Variants in SMARCA2 observed in about 807,000 individuals in gnomAD.
The protein encoded by SMARCA2 is SWI/SNF related BAF chromatin remodeling complex subunit ATPase 2.
A neutral mutation model predicts 199.8 loss-of-function variants in SMARCA2; 61 were observed. The ratio of observed to expected loss-of-function variants is 0.31; its 90% CI spans 0.25 to 0.38. The LOEUF (loss-of-function observed/expected upper bound fraction) is 0.38, where lower values mean the gene tolerates loss of function less well. Among genes scored for constraint, SMARCA2 ranks in the 10% least tolerant of loss-of-function variants. The pLI is 1.00. For synonymous variants in SMARCA2, 935 were observed against 732.0 expected, an observed-to-expected ratio of 1.28 and a Z score of -4.48; for missense variants, 1,344 against 2,012.2, an observed-to-expected ratio of 0.67 and a Z score of 6.35.
intron 27 of SMARCA2, chr9:2,160,043 C>T: frequency 1.7e-6 from 2 of 1,158,418 alleles, no homozygotes; most frequent in Non-Finnish European, 2.4e-6. Context: ...GAGAGCAATA[C>T]CATTAACTGT....
At position 2,154,305 on chromosome 9, in the gene SMARCA2, A is replaced by G. The variant is rs370600995; in HGVS notation, c.3982-7381A>G. On this transcript the variant is annotated intron_variant, in intron 27 of 33. Coordinates refer to ENST00000349721, the MANE Select transcript of SMARCA2 (RefSeq NM_003070.5). ...TGGTGGTAGTAGTAGTAGCTGCATC[A>G]GTAGTAGTAGAAGTATTAATGATGC... Among the ~76,000 whole-genome samples the G allele has an allele frequency of 6.8e-4, 103 of 152,354 alleles. 1 individual carries two copies. Among genetic ancestry groups the G allele is most frequent in the Middle Eastern group, 3.4e-3 (1 of 294 alleles).
intron 32 of SMARCA2, 28 bp downstream of exon 32, chr9:2,186,256 ATC>A: frequency 6.2e-7 from 1 of 1,602,032 alleles, no homozygotes; most frequent in Non-Finnish European, 8.5e-7. Flanking sequence ...GGTCCTGTAC[ATC>A]TTTGCCCCTC....
intron 1 of SMARCA2, among the ~76,000 whole-genome samples, chr9:2,027,330 T>A (rs1818876596): frequency 1.3e-5 from 2 of 152,036 alleles, no homozygotes; most frequent in South Asian, 4.2e-4. Flanking sequence ...TAGTCCTAGC[T>A]ACTTGGGAGG....
intron 24 of SMARCA2, among the ~76,000 whole-genome samples, chr9:2,111,348 G>A (rs1822987973): frequency 6.6e-6 from 1 of 151,850 alleles, no homozygotes; most frequent in Non-Finnish European, 1.5e-5. Context: ...AATTAGCTGG[G>A]CACAGTGGCA....
chr9:2,179,226 G>A (rs778179531), intron 29 of SMARCA2, among the ~76,000 whole-genome samples: 46 of 152,168 alleles, frequency 3.0e-4, no homozygotes, highest in Non-Finnish European at 5.9e-4. Context: ...TGTGTTGGTG[G>A]TACCAGTTGG....
At chr9:2,147,020 C>G (rs976700600) in intron 27 of SMARCA2, among the ~76,000 whole-genome samples, 1 of 152,148 alleles carries the variant, frequency 6.6e-6, no homozygotes, top group African/African-American at 2.4e-5. Flanking sequence ...TACATAGCCC[C>G]TATTCAAGAT....
chr9:2,182,772 G>A (rs1373322206), intron 31 of SMARCA2, among the ~76,000 whole-genome samples: 2 of 150,392 alleles, frequency 1.3e-5, no homozygotes, highest in Non-Finnish European at 3.0e-5. Flanking sequence ...TGGGATTACA[G>A]GCATGAGCCA....
At chr9:2,068,114 C>A (rs1385999548) in intron 9 of SMARCA2, among the ~76,000 whole-genome samples, 2 of 151,938 alleles carry the variant, frequency 1.3e-5, no homozygotes, top group Non-Finnish European at 2.9e-5. Flanking sequence ...TAAAACAGTC[C>A]CCTGAGTATA....
intron 10 of SMARCA2, chr9:2,072,183 T>G (rs186790297): frequency 1.3e-5 from 2 of 152,296 alleles, no homozygotes; most frequent in Non-Finnish European, 2.9e-5. Context: ...TTGAAAGGAA[T>G]CTAGCAAAAA....
intron 1 of SMARCA2, among the ~76,000 whole-genome samples, chr9:2,026,199 C>G (rs984624432): frequency 2.0e-5 from 3 of 152,174 alleles, no homozygotes; most frequent in Admixed American, 6.5e-5. Context: ...GTCCAGATCT[C>G]TGCCATTCAT....
chr9:2,032,993 C>G lies in SMARCA2; in HGVS notation c.267C>G (p.Ile89Met). The change falls in exon 3 of 34, where the codon ATC becomes ATG. Residue 89 changes from isoleucine to methionine, a missense_variant. This residue lies in a region of SMARCA2 where 275 missense variants were observed against 247.5 expected (regional missense o/e 1.11). Transcript: ENST00000349721. ...GIHDKGIVED[I>M]HCGSMKGTGM... ...ATGACAAGGGGATTGTAGAAGACATCCATTGTGGATCCATGAAGGGCACTG... is the reference window on the plus strand; with the variant it reads ...ATGACAAGGGGATTGTAGAAGACATGCATTGTGGATCCATGAAGGGCACTG... 2 of 1,613,936 alleles carry G rather than the reference C, an allele frequency of 1.2e-6. No homozygotes were observed. The highest frequency in any genetic ancestry group is 2.2e-5 in the South Asian group (2 of 91,074).
intron 19 of SMARCA2, among the ~76,000 whole-genome samples, chr9:2,089,772 T>A (rs1364087435): frequency 3.9e-5 from 6 of 152,164 alleles, no homozygotes; most frequent in Non-Finnish European, 8.8e-5. Context: ...AGTTACTGAG[T>A]AGATAAATTG....
chr9:2,185,922 A>G (rs1459599582), intron 31 of SMARCA2, among the ~76,000 whole-genome samples, 174 bp from the exon 32 acceptor site: 2 of 152,130 alleles, frequency 1.3e-5, no homozygotes, highest in African/African-American at 2.4e-5. Context: ...ATGAATGTGT[A>G]TGTCTGTATT....
intron 10 of SMARCA2, among the ~76,000 whole-genome samples, chr9:2,071,239 G>T (rs558446828): frequency 1.1e-4 from 17 of 152,184 alleles, no homozygotes; most frequent in Non-Finnish European, 1.9e-4. Flanking sequence ...ACTCAAAACA[G>T]TGGAGATGCA....
chr9:2,066,433 A>G (rs1392669787), intron 9 of SMARCA2, among the ~76,000 whole-genome samples: 3 of 152,202 alleles, frequency 2.0e-5, no homozygotes, highest in Non-Finnish European at 4.4e-5. Flanking sequence ...AGCCATGCAC[A>G]TACCTTTGCT....
At chr9:2,088,821 C>G (rs760088038) in intron 19 of SMARCA2, among the ~76,000 whole-genome samples, 1 of 149,774 alleles carries the variant, frequency 6.7e-6, no homozygotes, top group East Asian at 1.9e-4. Context: ...CAAAAGCGTT[C>G]GAGCAGATTT....
At chr9:2,019,273 G>A (rs996695873) in intron 1 of SMARCA2, among the ~76,000 whole-genome samples, 4 of 152,110 alleles carry the variant, frequency 2.6e-5, no homozygotes, top group Non-Finnish European at 4.4e-5. Context: ...GTGAGGGGAG[G>A]GAGGGCTTCC....
At chr9:2,054,533 T>C in intron 5 of SMARCA2, 64 bp from the exon 6 acceptor site, 8 of 1,568,902 alleles carry the variant, frequency 5.1e-6, no homozygotes, top group Non-Finnish European at 7.0e-6. Context: ...TGTTTATCAT[T>C]TAAGATTAAA....
In SMARCA2 at chr9:2,104,142, C is replaced by T. The variant is rs766894963; in HGVS notation, c.3265C>T (p.Arg1089Trp). The T allele has an allele frequency of 3.7e-6, 6 of 1,613,966 alleles. No homozygotes were observed. The highest frequency in any genetic ancestry group is 5.1e-6 in the Non-Finnish European group (6 of 1,179,944). Residue 1089 changes from arginine to tryptophan, a missense_variant, in exon 23 of 34, where the codon CGG becomes TGG. Around this residue, in one of 18 missense-constraint regions of SMARCA2, gnomAD observed 98 missense variants for 245.6 expected, o/e 0.40. Coordinates refer to ENST00000349721, the MANE Select transcript of SMARCA2 (RefSeq NM_003070.5). This position sits in a 1 kb window ranked among gnomAD's most constrained non-coding sequence, Gnocchi z 4.0. The part of the protein sequence containing the change: ...MTIMEDYFAF[R>W]NFLYLRLDGT... Reference sequence around the variant, plus strand: ...CATCATGGAGGATTATTTTGCTTTTCGGAACTTCCTTTACCTACGCCTTGA... The same window carrying T: ...CATCATGGAGGATTATTTTGCTTTTTGGAACTTCCTTTACCTACGCCTTGA...
Sources: gnomAD v4.1 joint callset for allele counts (sites outside exome capture counted in the v4.1 genomes callset) on GRCh38, gnomAD v4.1.1 for gene constraint, gnomAD v4.1.1 regional missense constraint, Gnocchi (gnomAD v3.1) non-coding constraint, MANE v1.5 for transcripts, NCBI Gene and HGNC (gene_info 2026-07-23, HGNC 2026-07-21) for gene names.